CFAP65: variants seen among roughly 807,000 people sequenced by gnomAD.
CFAP65 encodes the protein cilia and flagella associated protein 65, also known as cilia- and flagella-associated protein 65.
In CFAP65, 155 loss-of-function variants were observed where a neutral mutation model predicts 208.0. The observed-to-expected ratio is 0.75, with a 90% confidence interval of 0.65 to 0.85. The LOEUF (loss-of-function observed/expected upper bound fraction) is 0.85. Ranked by LOEUF, CFAP65 falls within the 40% of genes least tolerant of loss-of-function variation. The pLI is 0.00. For missense variants in CFAP65, 2,294 were observed against 2,451.3 expected, an observed-to-expected ratio of 0.94 and a Z score of 1.36; for synonymous variants, 970 against 986.3, an observed-to-expected ratio of 0.98 and a Z score of 0.31.
At chr2:219,038,343 C>T (rs780811861) in intron 4 of CFAP65, 32 bp downstream of exon 4, 54 of 1,605,494 alleles carry the variant, frequency 3.4e-5, no homozygotes, top group Non-Finnish European at 4.2e-5. Context: ...CCCTGCCACA[C>T]CCTGCTCTGC....
rs1226105077 is a variant in CFAP65, at chr2:219,031,110, A to C, written c.1011T>G (p.Ala337=). The C allele has an allele frequency of 1.9e-6, 3 of 1,585,346 alleles. No individual in the cohort carries two copies. The highest frequency in any genetic ancestry group is 2.6e-6 in the Non-Finnish European group (3 of 1,165,602). Residue 337 remains alanine (A), a synonymous_variant, in exon 8 of 35, where the codon GCT becomes GCG. Coordinates refer to ENST00000341552, the MANE Select transcript of CFAP65 (RefSeq NM_194302.4). This position sits in a 1 kb window ranked among gnomAD's most constrained non-coding sequence, Gnocchi z 5.2. The stretch of plus-strand genomic sequence containing the variant: ...CGGTGGGAGGTTGGGCCTCACCCAC[A>C]GCCTGCAGCTGGATGCTGCTCCTCT... ...SRQRSSIQLQ[A]VAKCAQLLVS...
intron 11 of CFAP65, 60 bp from the exon 12 acceptor site, chr2:219,028,461 TG>T: frequency 7.5e-7 from 1 of 1,325,358 alleles, no homozygotes; most frequent in Non-Finnish European, 1.1e-6. Context: ...AGGGGGGTGC[TG>T]GGGGTTGAAC....
In CFAP65 at chr2:219,029,450, G is replaced by A. The variant is rs1444575807; in HGVS notation, c.1603C>T (p.His535Tyr). 1.9e-6 allele frequency: 3 copies of A among 1,614,104 alleles called. No homozygotes were observed. The highest frequency in any genetic ancestry group is 1.1e-5 in the South Asian group (1 of 91,070). ...ACACGCCGAAAGCAGATGATGGGGTGAGTGGGCTGGAAGGCACAGTGCAGG... is the reference window on the plus strand; with the variant it reads ...ACACGCCGAAAGCAGATGATGGGGTAAGTGGGCTGGAAGGCACAGTGCAGG... ...MTLHCAFQPT[H>Y]PIICFRRVAC... The change falls in exon 11 of 35, where the codon CAC (histidine) becomes TAC (tyrosine). Residue 535 changes from histidine (H) to tyrosine (Y), a missense_variant. His to Tyr is a moderately conservative substitution (Grantham distance 83). This residue lies in a region of CFAP65 where 867 missense variants were observed against 1,012.6 expected (regional missense o/e 0.86). Transcript: ENST00000341552.
chr2:219,027,719 G>C lies in CFAP65; in HGVS notation c.2142C>G (p.Arg714=), dbSNP rs1392337180. ...TGGGGTGAGGCGGCTGGAAGTGCAG[G>C]CGCATGGCCATGGACTTGAGTGGGG... The part of the protein sequence containing the change: ...DVPPLKSMAM[R]LHFQPPHPNC... The change falls in exon 13 of 35, where the codon CGC becomes CGG. Residue 714 remains arginine (R), a synonymous_variant. Transcript: ENST00000341552. 37 of 1,613,958 alleles carry C rather than the reference G, an allele frequency of 2.3e-5. No individual in the cohort carries two copies. The highest frequency in any genetic ancestry group is 4.0e-5 in the African/African-American group (3 of 74,934).
chr2:219,023,242 G>A lies in CFAP65; in HGVS notation c.2785C>T (p.Pro929Ser). 1.9e-6 allele frequency: 3 copies of A among 1,612,772 alleles called. No individual in the cohort carries two copies. The highest frequency in any genetic ancestry group is 1.1e-5 in the South Asian group (1 of 90,874). The change falls in exon 16 of 35, where the codon CCC becomes TCC. Residue 929 changes from proline (P) to serine (S), a missense_variant. By Grantham distance (74) the Pro-to-Ser change is moderately conservative. Coordinates refer to ENST00000341552, the MANE Select transcript of CFAP65 (RefSeq NM_194302.4). ...TTGGGCTGGATTAGCCCCCTGGAGG[G>A]CTGGACAGCCAGCAGCTTTCGATGC... The part of the protein sequence containing the change: ...EQHRKLLAVQ[P>S]SRGLIQPNER...
At chr2:219,010,736 G>C (rs1946416842) in intron 25 of CFAP65, 32 bp from the exon 26 acceptor site, 2 of 1,591,268 alleles carry the variant, frequency 1.3e-6, no homozygotes, top group African/African-American at 1.3e-5. Flanking sequence ...GGTAGGGACT[G>C]GTCAGAGGGA....
intron 13 of CFAP65, chr2:219,027,095 G>C: frequency 1.9e-6 from 2 of 1,053,820 alleles, no homozygotes; most frequent in Non-Finnish European, 2.3e-6. Context: ...GGTGGGCAGA[G>C]TCAAGAAGGA....
chr2:219,038,320 T>C, intron 4 of CFAP65, 55 bp downstream of exon 4: 2 of 1,554,980 alleles, frequency 1.3e-6, no homozygotes. Context: ...CTGCCACCCA[T>C]GCCCCGCCCT....
At position 219,024,038 on chromosome 2, in the gene CFAP65, T is replaced by G. The variant is rs1229592983; in HGVS notation, c.2572A>C (p.Asn858His). The change falls in exon 15 of 35, where the codon AAT becomes CAT. Residue 858 changes from asparagine (N) to histidine (H), a missense_variant. Asn to His is a moderately conservative substitution (Grantham distance 68). Coordinates refer to ENST00000341552, the MANE Select transcript of CFAP65 (RefSeq NM_194302.4). ...ACCTTGAGATACTGGGGGGAAGCAT[T>G]GCACTGCAGATAGAAAGTGTGCTGC... is the stretch of plus-strand genomic sequence containing the variant. ...WKQHTFYLQC[N>H]ASPQYLKEVS... The G allele has an allele frequency of 4.3e-6, 7 of 1,613,908 alleles. No individual in the cohort carries two copies. The highest frequency in any genetic ancestry group is 5.9e-6 in the Non-Finnish European group (7 of 1,179,978).
chr2:219,010,649 C>G lies in CFAP65; in HGVS notation c.4205G>C (p.Gly1402Ala), dbSNP rs764421895. ...GWNSALIHFQ[G>A]VGYNPHMMGD... Reference sequence around the variant, plus strand: ...CATCATATGGGGGTTGTAGCCCACTCCCTGGAAGTGGATGAGGGCCGAGTT... The same window carrying G: ...CATCATATGGGGGTTGTAGCCCACTGCCTGGAAGTGGATGAGGGCCGAGTT... The change falls in exon 26 of 35, where the codon GGA becomes GCA. Residue 1402 changes from glycine (G) to alanine (A), a missense_variant. Gly to Ala is a moderately conservative substitution (Grantham distance 60). This residue lies in a region of CFAP65 where 1,427 missense variants were observed against 1,438.7 expected (regional missense o/e 0.99). Coordinates refer to ENST00000341552, the MANE Select transcript of CFAP65 (RefSeq NM_194302.4). 5 of 1,610,902 alleles carry G rather than the reference C, an allele frequency of 3.1e-6. No individual in the cohort carries two copies. The highest frequency in any genetic ancestry group is 4.2e-6 in the Non-Finnish European group (5 of 1,179,204).
intron 21 of CFAP65, among the ~76,000 whole-genome samples, chr2:219,017,285 G>A (rs1226280663): frequency 6.6e-6 from 1 of 152,192 alleles, no homozygotes; most frequent in African/African-American, 2.4e-5. Context: ...ACCCTACGAA[G>A]GCCAGGGCCA....
At chr2:219,009,857 G>A in intron 27 of CFAP65, 85 bp downstream of exon 27, 1 of 1,275,414 alleles carries the variant, frequency 7.8e-7, no homozygotes, top group Non-Finnish European at 1.1e-6. Context: ...GGATGGGATG[G>A]AGTGGGGTGG....
In CFAP65 at chr2:219,032,713, G is replaced by C; in HGVS notation, c.543-141C>G. 1.3e-5 allele frequency: 9 copies of C among 674,156 alleles called. No homozygotes were observed. The South Asian group carries it at 1.8e-4, about 13-fold the overall frequency. The allele number at this position is 674,156 out of a possible 1,614,324, so 41.8% of individuals were successfully genotyped here. ...AAAGCGATCAGGAGATGAGCACGTG[G>C]AGATGGAAACTCAGGGGTTTGGTCA... On this transcript the variant is annotated intron_variant, in intron 5 of 34. Transcript: ENST00000341552. The surrounding 1 kb of genome is among the most constrained non-coding windows in gnomAD (Gnocchi z 5.5).
At chr2:219,016,551 T>G (rs1352028537) in intron 21 of CFAP65, among the ~76,000 whole-genome samples, 1 of 152,028 alleles carries the variant, frequency 6.6e-6, no homozygotes, top group African/African-American at 2.4e-5. Flanking sequence ...CACCTCGGCC[T>G]CCCAAAGTGC....
At position 219,023,999 on chromosome 2, in the gene CFAP65, TC is replaced by T. The variant is rs1300497073; in HGVS notation, c.2595+15del. The T allele has an allele frequency of 4.4e-6, 7 of 1,608,344 alleles. No individual in the cohort carries two copies. The highest frequency in any genetic ancestry group is 6.0e-6 in the Non-Finnish European group (7 of 1,176,074). On this transcript the variant is annotated intron_variant, in intron 15 of 34. Coordinates refer to ENST00000341552, the MANE Select transcript of CFAP65 (RefSeq NM_194302.4). The stretch of plus-strand genomic sequence containing the variant: ...CCCATTCCCAAGGACCCAGGTCCCC[TC>T]CCTCTGCCTCCTACCTTGAGATACT...
chr2:219,022,097 G>GTTCCCTCCCACCTTGGGAGT, intron 17 of CFAP65, 74 bp downstream of exon 17: 1 of 1,513,622 alleles, frequency 6.6e-7, no homozygotes, highest in African/African-American at 1.4e-5. Context: ...ACCTTGGGAG[G>GTTCCCTCCCACCTTGGGAGT]TTCCCTGGGG....
Position 219,031,380 on chromosome 2 carries a change from C to T in CFAP65, c.816-75G>A. The T allele has an allele frequency of 6.2e-7, 1 of 1,603,754 alleles. No individual in the cohort carries two copies. The highest frequency in any genetic ancestry group is 8.5e-7 in the Non-Finnish European group (1 of 1,172,960). On this transcript the variant is annotated intron_variant, in intron 7 of 34. Transcript: ENST00000341552. This position sits in a 1 kb window ranked among gnomAD's most constrained non-coding sequence, Gnocchi z 5.2. ...GCAGTAGCAAGTCAGGGATGCTGGG[C>T]AGAACCTCAGACTACCCTACCCCGA...
chr2:219,005,358 G>T, intron 32 of CFAP65, 76 bp downstream of exon 32: 1 of 1,571,108 alleles, frequency 6.4e-7, no homozygotes, highest in Non-Finnish European at 8.8e-7. Context: ...AAGAGTGCTG[G>T]AATGTAAGGG....
chr2:219,016,229 C>G (rs185380188), intron 21 of CFAP65, among the ~76,000 whole-genome samples: 199 of 150,702 alleles, frequency 1.3e-3, no homozygotes, highest in Non-Finnish European at 2.6e-3. Flanking sequence ...GTTTGGGGTC[C>G]TTTAATATTT....
Sources: allele counts gnomAD v4.1 joint callset (sites outside exome capture counted in the v4.1 genomes callset), GRCh38; gene constraint gnomAD v4.1.1; regional missense constraint gnomAD v4.1.1; non-coding constraint Gnocchi (gnomAD v3.1); transcripts MANE v1.5; gene names NCBI Gene and HGNC (gene_info 2026-07-23, HGNC 2026-07-21).